SEMA6A: variants seen among roughly 807,000 people sequenced by gnomAD.
SEMA6A encodes semaphorin-6A.
SEMA6A carries 25 observed loss-of-function variants against 96.8 expected under a neutral mutation model. That is an observed-to-expected ratio of 0.26 (90% CI 0.19 to 0.36). The LOEUF is 0.36. SEMA6A is among the 10% of genes least tolerant of loss of function. SEMA6A has a pLI of 1.00. For synonymous variants in SEMA6A, 612 were observed against 518.0 expected, an observed-to-expected ratio of 1.18 and a Z score of -2.46; for missense variants, 1,363 against 1,323.1, an observed-to-expected ratio of 1.03 and a Z score of -0.47.
chr5:116,483,238 G>C (rs533828202), intron 10 of SEMA6A, among the ~76,000 whole-genome samples: 1 of 152,148 alleles, frequency 6.6e-6, no homozygotes, highest in South Asian at 2.1e-4. Flanking sequence ...TTATATCCTT[G>C]CCTGGCACCC....
At chr5:116,470,566 G>A (rs1017868443) in intron 17 of SEMA6A, among the ~76,000 whole-genome samples, 2 of 152,158 alleles carry the variant, frequency 1.3e-5, no homozygotes, top group Non-Finnish European at 2.9e-5. Context: ...AACAATGTTT[G>A]TAGACAATTA....
At chr5:116,556,902 A>G (rs979089998) in intron 1 of SEMA6A, among the ~76,000 whole-genome samples, 2 of 152,194 alleles carry the variant, frequency 1.3e-5, no homozygotes, top group African/African-American at 4.8e-5. Context: ...GAATGCCATC[A>G]TTATACATGC....
intron 1 of SEMA6A, among the ~76,000 whole-genome samples, chr5:116,538,190 A>G: frequency 6.6e-6 from 1 of 152,108 alleles, no homozygotes; most frequent in Non-Finnish European, 1.5e-5. Flanking sequence ...AAAGCAAAAC[A>G]AAACAAAACA....
chr5:116,469,516 T>C (rs2112657356), intron 17 of SEMA6A: 1 of 152,248 alleles, frequency 6.6e-6, no homozygotes, highest in African/African-American at 2.4e-5. Context: ...GAAAATTCAG[T>C]GCCCAGCATA....
intron 1 of SEMA6A, among the ~76,000 whole-genome samples, chr5:116,554,102 C>T (rs7721750): frequency 8.5e-4 from 129 of 152,148 alleles, no homozygotes; most frequent in African/African-American, 2.6e-3. Context: ...CAGTAATAAA[C>T]AGTAACATCA....
chr5:116,493,680 G>C (rs62375058), intron 6 of SEMA6A, among the ~76,000 whole-genome samples: 4,741 of 152,038 alleles, frequency 0.031, 100 homozygotes, highest in Middle Eastern at 0.048. Flanking sequence ...TCCCTTCACT[G>C]TACATGCCAA....
chr5:116,569,808 A>G (rs1477756791), intron 1 of SEMA6A, among the ~76,000 whole-genome samples: 3 of 152,162 alleles, frequency 2.0e-5, no homozygotes, highest in African/African-American at 7.2e-5. Flanking sequence ...GGAGAAGACT[A>G]TGAGAAAGGC....
At chr5:116,467,809 C>A in intron 17 of SEMA6A, 62 bp from the exon 18 acceptor site, 1 of 1,573,580 alleles carries the variant, frequency 6.4e-7, no homozygotes, top group Non-Finnish European at 8.6e-7. Flanking sequence ...TCCCTTTGCG[C>A]AGAGGCCTGG....
At chr5:116,464,081 C>G (rs374817777) in intron 18 of SEMA6A, among the ~76,000 whole-genome samples, 23 of 152,208 alleles carry the variant, frequency 1.5e-4, no homozygotes, top group Non-Finnish European at 8.8e-5. Context: ...CTGTGGGAAG[C>G]GGTGGTGGAG....
chr5:116,516,961 G>A (rs931415415), intron 1 of SEMA6A, among the ~76,000 whole-genome samples: 1 of 152,034 alleles, frequency 6.6e-6, no homozygotes, highest in African/African-American at 2.4e-5. Context: ...CTGCCCTGAG[G>A]CTCCTTAAGT....
chr5:116,479,077 A>G (rs1344498630), intron 12 of SEMA6A, among the ~76,000 whole-genome samples: 1 of 152,192 alleles, frequency 6.6e-6, no homozygotes, highest in Non-Finnish European at 1.5e-5. Flanking sequence ...AAGTAATAAG[A>G]AATTCATTTA....
chr5:116,473,143 T>C (rs368704162), intron 16 of SEMA6A, 50 bp from the exon 17 acceptor site: 24 of 1,556,618 alleles, frequency 1.5e-5, no homozygotes, highest in Non-Finnish European at 2.1e-5. Flanking sequence ...ACGCTCTGCT[T>C]GGGGCGACTT....
chr5:116,478,734 C>A lies in SEMA6A; in HGVS notation c.1251-16G>T, dbSNP rs1756597400. On this transcript the variant is annotated splice_polypyrimidine_tract_variant and intron_variant, in intron 12 of 18. Transcript: ENST00000343348. The stretch of plus-strand genomic sequence containing the variant: ...AAGGCGGTATCTAAAATGACAGGAC[C>A]ACATTTCTTATCTCTTTGTTGGTCT... 1 of 1,608,714 alleles carries A rather than the reference C, an allele frequency of 6.2e-7. No homozygotes were observed. The highest frequency in any genetic ancestry group is 1.7e-5 in the Admixed American group (1 of 59,228).
Position 116,446,678 on chromosome 5 carries a change from C to A in SEMA6A, c.3028G>T (p.Val1010Leu). 1 of 1,561,076 alleles carries A rather than the reference C, an allele frequency of 6.4e-7. No homozygotes were observed. Among genetic ancestry groups the A allele is most frequent in the South Asian group, 1.2e-5 (1 of 81,694 alleles). The change falls in exon 19 of 19, where the codon GTA (valine) becomes TTA (leucine). Residue 1010 changes from valine (V) to leucine (L), a missense_variant. By Grantham distance (32) the Val-to-Leu change is conservative. Around this residue, in one of 2 missense-constraint regions of SEMA6A, gnomAD observed 883 missense variants for 763.6 expected, o/e 1.16. Coordinates refer to ENST00000343348, the MANE Select transcript of SEMA6A (RefSeq NM_020796.5). ...LKRTPSLKPD[V>L]PPKPSFAPLS... ...GGAGCAAAGGATGGTTTGGGGGGTA[C>A]GTCCGGCTTTAGCGAGGGCGTACGC...
chr5:116,554,115 A>G (rs1443207192), intron 1 of SEMA6A, among the ~76,000 whole-genome samples: 1 of 152,230 alleles, frequency 6.6e-6, no homozygotes, highest in African/African-American at 2.4e-5. Context: ...TAACATCAGT[A>G]AAAGTGTTTT....
At chr5:116,527,872 T>C (rs1379475436) in intron 1 of SEMA6A, among the ~76,000 whole-genome samples, 1 of 152,204 alleles carries the variant, frequency 6.6e-6, no homozygotes, top group Non-Finnish European at 1.5e-5. Flanking sequence ...AACTCAGGTG[T>C]TACTATTTTA....
intron 1 of SEMA6A, among the ~76,000 whole-genome samples, chr5:116,566,879 T>C (rs1010191775): frequency 2.0e-5 from 3 of 152,134 alleles, no homozygotes; most frequent in Admixed American, 1.3e-4. Context: ...ACCTGGCAGA[T>C]GCATGCCCAA....
intron 1 of SEMA6A, among the ~76,000 whole-genome samples, chr5:116,553,767 T>TGA (rs1760505643): frequency 6.6e-6 from 1 of 152,070 alleles, no homozygotes; most frequent in South Asian, 2.1e-4. Flanking sequence ...AGAGAAATCC[T>TGA]GAGAGTGAGA....
chr5:116,483,389 G>A (rs182175999), intron 10 of SEMA6A, among the ~76,000 whole-genome samples: 55 of 152,120 alleles, frequency 3.6e-4, no homozygotes, highest in African/African-American at 1.0e-3. Context: ...TAAATTACAG[G>A]CACCAGCTGG....
Sources: gnomAD v4.1 joint callset for allele counts (sites outside exome capture counted in the v4.1 genomes callset) on GRCh38, gnomAD v4.1.1 for gene constraint, gnomAD v4.1.1 regional missense constraint, MANE v1.5 for transcripts, NCBI Gene and HGNC (gene_info 2026-07-23, HGNC 2026-07-21) for gene names.